Variants in LARS2 observed in about 807,000 individuals in gnomAD.
The protein encoded by LARS2 is leucyl-tRNA synthetase 2, mitochondrial, also known as leucine--tRNA ligase, mitochondrial.
A neutral mutation model predicts 116.6 loss-of-function variants in LARS2; 81 were observed. The observed-to-expected ratio is 0.69, with a 90% CI of 0.58 to 0.84. The LOEUF is 0.84. Ranked by LOEUF, LARS2 falls within the 40% of genes least tolerant of loss-of-function variation. LARS2 has a pLI of 0.00. For synonymous variants in LARS2, 396 were observed against 407.2 expected, an observed-to-expected ratio of 0.97 and a Z score of 0.33; for missense variants, 968 against 1,114.5, an observed-to-expected ratio of 0.87 and a Z score of 1.87.
intron 4 of LARS2, among the ~76,000 whole-genome samples, chr3:45,404,593 G>GTCAGTAAGTAATCAT (rs1559457368): frequency 6.6e-6 from 1 of 152,156 alleles, no homozygotes; most frequent in Non-Finnish European, 1.5e-5. Context: ...GATTAATTTA[G>GTCAGTAAGTAATCAT]TCAGTAAGTA....
intron 6 of LARS2, 151 bp from the exon 7 acceptor site, chr3:45,446,740 C>T (rs1699025644): frequency 7.2e-6 from 4 of 552,950 alleles, no homozygotes; most frequent in Non-Finnish European, 9.7e-6. Flanking sequence ...AATTGTGACT[C>T]TCCTTACTTT....
intron 13 of LARS2, among the ~76,000 whole-genome samples, chr3:45,493,000 C>T (rs962986249): frequency 6.6e-6 from 1 of 152,196 alleles, no homozygotes; most frequent in Non-Finnish European, 1.5e-5. Context: ...GCATACAGCA[C>T]AGCAGTTGTG....
intron 12 of LARS2, 108 bp downstream of exon 12, chr3:45,488,920 T>C (rs1699865114): frequency 2.6e-6 from 2 of 769,916 alleles, no homozygotes; most frequent in Admixed American, 3.5e-5. Flanking sequence ...TCCCCATACC[T>C]AACAGCCTTG....
intron 4 of LARS2, 111 bp downstream of exon 4, chr3:45,400,484 C>T (rs1354794104): frequency 5.6e-6 from 6 of 1,069,162 alleles, no homozygotes; most frequent in Non-Finnish European, 7.8e-6. Context: ...AAGATTAGGA[C>T]AGCTTTGAAG....
intron 6 of LARS2, among the ~76,000 whole-genome samples, chr3:45,425,408 C>T (rs939925021): frequency 4.6e-5 from 7 of 152,194 alleles, no homozygotes; most frequent in Non-Finnish European, 7.3e-5. Flanking sequence ...ACCTCACACT[C>T]GTCCCTGCAA....
In LARS2 at chr3:45,476,598, C is replaced by G. The variant is rs1442678733; in HGVS notation, c.989C>G (p.Ala330Gly). The G allele has an allele frequency of 6.2e-7, 1 of 1,614,076 alleles. No homozygotes were observed. The highest frequency in any genetic ancestry group is 8.5e-7 in the Non-Finnish European group (1 of 1,180,036). The change falls in exon 10 of 22, where the codon GCC (alanine) becomes GGC (glycine). Residue 330 changes from alanine to glycine, a missense_variant. Physicochemically the swap from Ala to Gly is moderately conservative, Grantham distance 60 (BLOSUM62 0). Coordinates refer to ENST00000645846, the MANE Select transcript of LARS2 (RefSeq NM_015340.4). Reference sequence around the variant, plus strand: ...CATGGGCACAGCTCTCTGAAGGAAGCCTTGAGGATGGCCCTTGTCCCTGGC... The same window carrying G: ...CATGGGCACAGCTCTCTGAAGGAAGGCTTGAGGATGGCCCTTGTCCCTGGC... Reference protein sequence around the residue: ...LLHGHSSLKEALRMALVPGKD... With the variant: ...LLHGHSSLKEGLRMALVPGKD...
intron 18 of LARS2, 33 bp from the exon 19 acceptor site, chr3:45,520,186 G>T: frequency 6.8e-7 from 1 of 1,480,118 alleles, no homozygotes; most frequent in Non-Finnish European, 9.4e-7. Context: ...AAAGAATTTT[G>T]AAATAAGTAA....
intron 4 of LARS2, among the ~76,000 whole-genome samples, chr3:45,410,146 GTTT>G (rs1698306068): frequency 6.6e-6 from 1 of 152,144 alleles, no homozygotes; most frequent in Non-Finnish European, 1.5e-5. Flanking sequence ...TGGTAATTAA[GTTT>G]CCCCCCTTTC....
At chr3:45,513,055 G>C in intron 15 of LARS2, 80 bp from the exon 16 acceptor site, 1 of 949,176 alleles carries the variant, frequency 1.1e-6, no homozygotes, top group Admixed American at 1.7e-5. Flanking sequence ...CTGCCCATCC[G>C]AGGGAAGGTC....
intron 20 of LARS2, among the ~76,000 whole-genome samples, chr3:45,538,796 G>A (rs921133842): frequency 1.1e-4 from 17 of 152,226 alleles, no homozygotes; most frequent in African/African-American, 4.1e-4. Flanking sequence ...AGAATGGACT[G>A]ATGGACAGTG....
At chr3:45,523,214 C>A (rs1443121677) in intron 19 of LARS2, among the ~76,000 whole-genome samples, 2 of 152,188 alleles carry the variant, frequency 1.3e-5, no homozygotes, top group Non-Finnish European at 2.9e-5. Flanking sequence ...CTAAACACAA[C>A]TATGTTTGCC....
In LARS2 at chr3:45,477,741, C is replaced by A. The variant is rs549883316; in HGVS notation, c.1018+1114C>A. Among the ~76,000 whole-genome samples the A allele has an allele frequency of 8.5e-5, 13 of 152,302 alleles. No individual in the cohort carries two copies. In the South Asian group the frequency reaches 2.3e-3, roughly 27 times the overall value. On this transcript the variant is annotated intron_variant, in intron 10 of 21. Transcript: ENST00000645846. ...TAAACTTCAACCCAAAGTATACAAT[C>A]TGAATTATTGGGGTCTGAAATAGCA...
chr3:45,544,906 G>A (rs757456679), intron 21 of LARS2, among the ~76,000 whole-genome samples: 1 of 152,174 alleles, frequency 6.6e-6, no homozygotes, highest in Non-Finnish European at 1.5e-5. Context: ...GCTGAGCCAG[G>A]GAGGTACTGG....
At chr3:45,484,630 A>AAAAATATATATATATATATAT (rs1553634443) in intron 10 of LARS2, among the ~76,000 whole-genome samples, 2 of 9,744 alleles carry the variant, frequency 2.1e-4, no homozygotes, top group Non-Finnish European at 6.3e-4. Context: ...AAAAAAAAAA[A>AAAAATATATATATATATATAT]ATATATATAT....
At position 45,542,077 on chromosome 3, in the gene LARS2, CA is replaced by C. The variant is rs1559502184; in HGVS notation, c.2532+122del. 2.4e-6 allele frequency: 3 copies of C among 1,275,462 alleles called. No homozygotes were observed. In the African/African-American group the frequency reaches 4.5e-5, roughly 19 times the overall value. The allele number at this position is 1,275,462 out of a possible 1,614,324, so 79.0% of individuals were successfully genotyped here. A position where few individuals can be genotyped will look rare whatever the true frequency, so the allele number is the denominator to read the frequency against. ...TTTCTAGCTCACTCAGCTCAGCCCT[CA>C]GCCACACCTTGTGACCGGAAGGCAC... On this transcript the variant is annotated intron_variant, in intron 21 of 21. Coordinates refer to ENST00000645846, the MANE Select transcript of LARS2 (RefSeq NM_015340.4).
chr3:45,496,734 C>T (rs1330992743), intron 14 of LARS2, among the ~76,000 whole-genome samples: 1 of 152,212 alleles, frequency 6.6e-6, no homozygotes, highest in East Asian at 1.9e-4. Flanking sequence ...TGGGAGCAGC[C>T]TGGGAGAGCA....
intron 13 of LARS2, among the ~76,000 whole-genome samples, chr3:45,492,099 C>T (rs1330121373): frequency 6.6e-6 from 1 of 152,230 alleles, no homozygotes; most frequent in Non-Finnish European, 1.5e-5. Context: ...TTCCTTACAG[C>T]TTTGTAAAAA....
In LARS2 at chr3:45,404,603, A is replaced by G. The variant is rs191537433; in HGVS notation, c.363+4230A>G. Among the ~76,000 whole-genome samples the G allele has an allele frequency of 2.5e-4, 38 of 152,306 alleles. No individual in the cohort carries two copies. The East Asian group carries it at 6.6e-3, about 26-fold the overall frequency. ...GTATTGATTAATTTAGTCAGTAAGT[A>G]ATCATTGAGCACCAGCTCTATTCTT... On this transcript the variant is annotated intron_variant, in intron 4 of 21. Coordinates refer to ENST00000645846, the MANE Select transcript of LARS2 (RefSeq NM_015340.4).
chr3:45,512,620 A>C (rs1263252011), intron 15 of LARS2, among the ~76,000 whole-genome samples: 2 of 152,246 alleles, frequency 1.3e-5, no homozygotes, highest in Non-Finnish European at 2.9e-5. Context: ...AATACCATAA[A>C]GTATACATAA....
Sources: allele counts gnomAD v4.1 joint callset (sites outside exome capture counted in the v4.1 genomes callset), GRCh38; gene constraint gnomAD v4.1.1; transcripts MANE v1.5; gene names NCBI Gene and HGNC (gene_info 2026-07-23, HGNC 2026-07-21).